Variants in GTF2IRD1 observed in about 807,000 individuals in gnomAD.
GTF2IRD1 encodes general transcription factor II-I repeat domain-containing protein 1.
Under a neutral mutation model 113.2 loss-of-function variants are expected in GTF2IRD1, and 26 were observed. The observed-to-expected ratio is 0.23, with a 90% CI of 0.17 to 0.32. The LOEUF (loss-of-function observed/expected upper bound fraction) is 0.32. Ranked by LOEUF, GTF2IRD1 falls within the 10% of genes least tolerant of loss-of-function variation. The pLI, the probability that GTF2IRD1 is intolerant of heterozygous loss-of-function variation, is 1.00. For synonymous variants in GTF2IRD1, 484 were observed against 529.1 expected, an observed-to-expected ratio of 0.91 and a Z score of 1.17; for missense variants, 864 against 1,280.8, an observed-to-expected ratio of 0.67 and a Z score of 4.97.
chr7:74,569,851 C>T (rs1411270615), intron 22 of GTF2IRD1, among the ~76,000 whole-genome samples: 1 of 152,078 alleles, frequency 6.6e-6, no homozygotes, highest in Non-Finnish European at 1.5e-5. Context: ...TTGTGAGACA[C>T]ATCCAGGGGC....
At chr7:74,494,942 G>A (rs28447557) in intron 1 of GTF2IRD1, among the ~76,000 whole-genome samples, 9,768 of 151,128 alleles carry the variant, frequency 0.065, 953 homozygotes, top group African/African-American at 0.21. Flanking sequence ...TTGTAGAGAT[G>A]GGGGGTCTCA....
intron 7 of GTF2IRD1, among the ~76,000 whole-genome samples, chr7:74,522,427 C>T (rs587764120): frequency 2.0e-5 from 3 of 152,184 alleles, no homozygotes; most frequent in South Asian, 2.1e-4. Context: ...AGGCCAGGTG[C>T]GGTGACTCAC....
At chr7:74,518,593 A>G (rs1351543503) in intron 5 of GTF2IRD1, among the ~76,000 whole-genome samples, 4 of 152,286 alleles carry the variant, frequency 2.6e-5, no homozygotes, top group South Asian at 2.1e-4. Context: ...AAATAGCACC[A>G]AAGTGGTCGG....
chr7:74,488,602 T>C (rs1795151342), intron 1 of GTF2IRD1, among the ~76,000 whole-genome samples: 1 of 150,368 alleles, frequency 6.7e-6, no homozygotes, highest in Non-Finnish European at 1.5e-5. Flanking sequence ...TAACAAGATT[T>C]TTTAAGTGAG....
intron 9 of GTF2IRD1, among the ~76,000 whole-genome samples, chr7:74,533,278 G>T (rs1466133531): frequency 6.6e-6 from 1 of 151,966 alleles, no homozygotes; most frequent in African/African-American, 2.4e-5. Context: ...GGGATTACAG[G>T]CATGCACCAC....
intron 22 of GTF2IRD1, among the ~76,000 whole-genome samples, chr7:74,588,802 G>A (rs1334376319): frequency 6.6e-6 from 1 of 152,192 alleles, no homozygotes; most frequent in East Asian, 1.9e-4. Flanking sequence ...AAAGTGCTGG[G>A]ATTATAGGCA....
Position 74,601,082 on chromosome 7 carries a change from G to A in GTF2IRD1, c.2668G>A (p.Val890Ile), listed in dbSNP as rs1802734999. 6.2e-7 allele frequency: 1 copy of A among 1,614,122 alleles called. No homozygotes were observed. The highest frequency in any genetic ancestry group is 1.1e-5 in the South Asian group (1 of 91,076). ...CATTCCCAAGCGCAAGAGAAAGCGG[G>A]TCTCGGAAGGAAATTCCGTCTCCTC... ...SSIPKRKRKRVSEGNSVSSSS... is the reference protein window; with the variant it reads ...SSIPKRKRKRISEGNSVSSSS... Residue 890 changes from valine to isoleucine, a missense_variant, in exon 26 of 27, where the codon GTC becomes ATC. By Grantham distance (29) the Val-to-Ile change is conservative (BLOSUM62 3). This residue lies in a region of GTF2IRD1 where 55 missense variants were observed against 52.2 expected (regional missense o/e 1.05). Coordinates refer to ENST00000424337, the MANE Select transcript of GTF2IRD1 (RefSeq NM_005685.4).
At chr7:74,583,554 G>A (rs587765041) in intron 22 of GTF2IRD1, among the ~76,000 whole-genome samples, 1 of 151,738 alleles carries the variant, frequency 6.6e-6, no homozygotes, top group East Asian at 1.9e-4. Flanking sequence ...CTCCAGAGGT[G>A]GTCAGGACGC....
chr7:74,581,624 G>A (rs112598245), intron 22 of GTF2IRD1, among the ~76,000 whole-genome samples: 1 of 152,228 alleles, frequency 6.6e-6, no homozygotes, highest in South Asian at 2.1e-4. Flanking sequence ...AGCAGTCCTT[G>A]GGGAACTCCC....
At position 74,571,112 on chromosome 7, in the gene GTF2IRD1, C is replaced by G. The variant is rs1800672410; in HGVS notation, c.2320+11457C>G. 10 of 985,268 alleles carry G rather than the reference C, an allele frequency of 1.0e-5. No individual in the cohort carries two copies. The South Asian group carries it at 2.8e-4, about 28-fold the overall frequency. 61.0% of individuals were successfully genotyped at this position (985,268 alleles called of 1,614,324 possible). On this transcript the variant is annotated intron_variant, in intron 22 of 26. Coordinates refer to ENST00000424337, the MANE Select transcript of GTF2IRD1 (RefSeq NM_005685.4). ...GAAGGCAGCGCCCCACCTCTCCTTC[C>G]CCAGAGCAGGGGCTCCAGACCCCAG...
At chr7:74,491,519 C>A (rs1415957762) in intron 1 of GTF2IRD1, among the ~76,000 whole-genome samples, 2 of 148,888 alleles carry the variant, frequency 1.3e-5, no homozygotes, top group Non-Finnish European at 3.0e-5. Flanking sequence ...TGTTGCCCCC[C>A]TCTCTGTGTC....
chr7:74,541,770 G>A (rs782178905), intron 14 of GTF2IRD1, among the ~76,000 whole-genome samples: 6 of 151,528 alleles, frequency 4.0e-5, no homozygotes, highest in Admixed American at 6.6e-5. Context: ...GCATGGTGGC[G>A]CATGCCTGTA....
chr7:74,523,832 T>G (rs1342230447), intron 7 of GTF2IRD1, among the ~76,000 whole-genome samples: 2 of 152,190 alleles, frequency 1.3e-5, no homozygotes, highest in Non-Finnish European at 2.9e-5. Flanking sequence ...GCTGAGCCTG[T>G]TCTGACACCA....
At chr7:74,601,016 T>G (rs782737347) in intron 25 of GTF2IRD1, 28 bp from the exon 26 acceptor site, 1 of 1,613,148 alleles carries the variant, frequency 6.2e-7, no homozygotes, top group East Asian at 2.2e-5. Flanking sequence ...CAGCTTCCAG[T>G]GTCAACAGCC....
At chr7:74,497,523 G>A (rs1428878468) in intron 1 of GTF2IRD1, among the ~76,000 whole-genome samples, 1 of 152,086 alleles carries the variant, frequency 6.6e-6, no homozygotes, top group African/African-American at 2.4e-5. Context: ...CCAAAGTGCT[G>A]GGATTACAGG....
intron 1 of GTF2IRD1, among the ~76,000 whole-genome samples, chr7:74,497,445 G>A (rs782415936): frequency 1.3e-5 from 2 of 152,144 alleles, no homozygotes; most frequent in Non-Finnish European, 2.9e-5. Context: ...TGTATTTTCT[G>A]TAGAGATGGA....
At chr7:74,580,214 A>C (rs587727425) in intron 22 of GTF2IRD1, among the ~76,000 whole-genome samples, 1 of 152,314 alleles carries the variant, frequency 6.6e-6, no homozygotes, top group African/African-American at 2.4e-5. Context: ...CAGTGGTGCA[A>C]TCGCTGCAGC....
chr7:74,457,220 G>A (rs1793044662), intron 1 of GTF2IRD1, among the ~76,000 whole-genome samples: 1 of 151,974 alleles, frequency 6.6e-6, no homozygotes, highest in Admixed American at 6.6e-5. Context: ...GAACTCCTGG[G>A]CATGAGGAGT....
rs782200582 is a variant in GTF2IRD1, at chr7:74,538,754, G to A, written c.1522G>A (p.Val508Ile). The change falls in exon 13 of 27, where the codon GTC becomes ATC. Residue 508 changes from valine to isoleucine, a missense_variant. This residue lies in a region of GTF2IRD1 where 218 missense variants were observed against 352.6 expected (regional missense o/e 0.62). Coordinates refer to ENST00000424337, the MANE Select transcript of GTF2IRD1 (RefSeq NM_005685.4). The stretch of plus-strand genomic sequence containing the variant: ...GGATCTGGACATCATTCAGGTCACC[G>A]TCCCAGGTAAGGGACGGGCATCTGA... ...PEDLDIIQVT[V>I]PDPSPTSEEM... The A allele has an allele frequency of 2.7e-5, 43 of 1,569,048 alleles. No homozygotes were observed. The highest frequency in any genetic ancestry group is 8.9e-5 in the South Asian group (8 of 90,166).
Sources: gnomAD v4.1 joint callset for allele counts (sites outside exome capture counted in the v4.1 genomes callset) on GRCh38, gnomAD v4.1.1 for gene constraint, gnomAD v4.1.1 regional missense constraint, MANE v1.5 for transcripts, NCBI Gene and HGNC (gene_info 2026-07-23, HGNC 2026-07-21) for gene names.